LUZP2: variants seen among roughly 807,000 people sequenced by gnomAD.
LUZP2 encodes leucine zipper protein 2.
In LUZP2, 52 loss-of-function variants were observed where a neutral mutation model predicts 51.6. That is an observed-to-expected ratio of 1.01 (90% CI 0.81 to 1.27). The LOEUF (loss-of-function observed/expected upper bound fraction) is 1.27. Ranked by LOEUF, LUZP2 falls within the 50% of genes most tolerant of loss-of-function variation. The pLI is 0.00. For missense variants in LUZP2, 436 were observed against 395.4 expected (o/e 1.10, Z -0.87); for synonymous variants, 154 against 137.3 (o/e 1.12, Z -0.85).
At chr11:24,923,093 C>T (rs982346199) in intron 7 of LUZP2, among the ~76,000 whole-genome samples, 2 of 151,770 alleles carry the variant, frequency 1.3e-5, no homozygotes, top group African/African-American at 4.8e-5. Context: ...CGTGATCCGC[C>T]TGCTTCGGCC....
chr11:24,750,761 A>G (rs1360773701), intron 4 of LUZP2, among the ~76,000 whole-genome samples: 1 of 152,166 alleles, frequency 6.6e-6, no homozygotes, highest in Non-Finnish European at 1.5e-5. Context: ...GTAGAAATGC[A>G]TTTTAATCAC....
At chr11:25,055,308 C>G (rs1391090530) in intron 10 of LUZP2, among the ~76,000 whole-genome samples, 1 of 151,926 alleles carries the variant, frequency 6.6e-6, no homozygotes, top group Non-Finnish European at 1.5e-5. Flanking sequence ...TGTGCCTGGC[C>G]TACTTTAATC....
chr11:24,973,049 T>C (rs1194543948), intron 7 of LUZP2, among the ~76,000 whole-genome samples: 3 of 114,716 alleles, frequency 2.6e-5, no homozygotes, highest in Admixed American at 1.2e-4. Context: ...TAAATCCGTC[T>C]GGTCCTGGGT....
At chr11:24,786,970 T>A (rs12276757) in intron 5 of LUZP2, among the ~76,000 whole-genome samples, 5,034 of 152,162 alleles carry the variant, frequency 0.033, 203 homozygotes, top group African/African-American at 0.096. Context: ...ATTGACAACT[T>A]TTCTTGCCCA....
chr11:24,687,560 G>A (rs994438633), intron 1 of LUZP2, among the ~76,000 whole-genome samples: 15 of 152,312 alleles, frequency 9.8e-5, no homozygotes, highest in Admixed American at 9.8e-4. Context: ...CGGAGACAGA[G>A]TTTGAACTGG....
At chr11:24,802,658 C>CCATCT (rs1458653810) in intron 5 of LUZP2, among the ~76,000 whole-genome samples, 2 of 151,842 alleles carry the variant, frequency 1.3e-5, no homozygotes, top group Admixed American at 1.3e-4. Context: ...TCCCCATTCC[C>CCATCT]CATCTCCCCC....
chr11:24,665,483 G>T (rs1278450658), intron 1 of LUZP2, among the ~76,000 whole-genome samples: 1 of 152,102 alleles, frequency 6.6e-6, no homozygotes, highest in African/African-American at 2.4e-5. Context: ...CATGAGATTT[G>T]GGAGGGGTCA....
rs1207218645 is a variant in LUZP2, at chr11:24,650,849, G to A, written c.63-78320G>A. Among the ~76,000 whole-genome samples, 4 of 152,142 alleles carry A rather than the reference G, an allele frequency of 2.6e-5. No homozygotes were observed. The East Asian group carries it at 7.7e-4, about 29-fold the overall frequency. ...ACTTTTGCATTAATATGCATCATAA[G>A]TTGTTCATGGAGTTCTTAAATACAT... On this transcript the variant is annotated intron_variant, in intron 1 of 11. Transcript: ENST00000336930.
At chr11:25,055,015 T>C (rs1388011689) in intron 10 of LUZP2, among the ~76,000 whole-genome samples, 1 of 146,046 alleles carries the variant, frequency 6.8e-6, no homozygotes, top group Admixed American at 6.8e-5. Flanking sequence ...TCTTTTCTTT[T>C]TTTTTTTTTT....
At chr11:24,921,553 C>G (rs770982229) in intron 7 of LUZP2, among the ~76,000 whole-genome samples, 1 of 152,112 alleles carries the variant, frequency 6.6e-6, no homozygotes, top group South Asian at 2.1e-4. Context: ...GCTTGCCAGC[C>G]TGGCTTTTAA....
chr11:24,648,256 A>G (rs968483329), intron 1 of LUZP2, among the ~76,000 whole-genome samples: 2 of 151,902 alleles, frequency 1.3e-5, no homozygotes, highest in Admixed American at 6.6e-5. Flanking sequence ...ATCCATGCAT[A>G]CAACCTGGTA....
intron 1 of LUZP2, among the ~76,000 whole-genome samples, chr11:24,546,400 A>G (rs1851543619): frequency 6.6e-6 from 1 of 152,052 alleles, no homozygotes; most frequent in African/African-American, 2.4e-5. Flanking sequence ...CCTGTTTAGT[A>G]TGAGGATGAC....
chr11:24,601,964 A>T (rs576974389), intron 1 of LUZP2, among the ~76,000 whole-genome samples: 55 of 128,820 alleles, frequency 4.3e-4, no homozygotes, highest in African/African-American at 1.6e-3. Flanking sequence ...GTATATATGT[A>T]TATATGTGTA....
chr11:24,533,824 C>G (rs1231756068), intron 1 of LUZP2, among the ~76,000 whole-genome samples: 1 of 151,094 alleles, frequency 6.6e-6, no homozygotes, highest in Non-Finnish European at 1.5e-5. Context: ...AGCATAATAT[C>G]TTCTCTGCTG....
intron 7 of LUZP2, among the ~76,000 whole-genome samples, chr11:24,951,173 G>A (rs1855067344): frequency 6.6e-6 from 1 of 151,508 alleles, no homozygotes; most frequent in South Asian, 2.1e-4. Flanking sequence ...TGAATGCTGG[G>A]TATCAGGTGT....
At chr11:24,871,505 A>T (rs914192261) in intron 5 of LUZP2, among the ~76,000 whole-genome samples, 2 of 152,020 alleles carry the variant, frequency 1.3e-5, no homozygotes, top group African/African-American at 4.8e-5. Flanking sequence ...TGGCCACTTC[A>T]GTCTTGATTT....
intron 1 of LUZP2, among the ~76,000 whole-genome samples, chr11:24,697,296 A>T (rs1857279441): frequency 6.6e-6 from 1 of 152,190 alleles, no homozygotes; most frequent in Non-Finnish European, 1.5e-5. Flanking sequence ...TTAGAGTGTA[A>T]ATAGGCAAGT....
chr11:24,682,598 G>GTA (rs928684612), intron 1 of LUZP2, among the ~76,000 whole-genome samples: 4 of 144,588 alleles, frequency 2.8e-5, no homozygotes, highest in Non-Finnish European at 6.0e-5. Context: ...GTGTGTGTGT[G>GTA]TATATATATG....
At chr11:24,677,771 G>A (rs561781855) in intron 1 of LUZP2, among the ~76,000 whole-genome samples, 4 of 152,030 alleles carry the variant, frequency 2.6e-5, no homozygotes, top group Non-Finnish European at 5.9e-5. Flanking sequence ...GAGAGAGGGC[G>A]GGGTGTGGTG....
Sources: gnomAD v4.1 joint callset for allele counts (sites outside exome capture counted in the v4.1 genomes callset) on GRCh38, gnomAD v4.1.1 for gene constraint, MANE v1.5 for transcripts, NCBI Gene and HGNC (gene_info 2026-07-23, HGNC 2026-07-21) for gene names.